The following AOX1 variants were observed in gnomAD, a reference collection of about 807,000 sequenced individuals.
AOX1 encodes aldehyde oxidase.
A neutral mutation model predicts 169.5 loss-of-function variants in AOX1; 153 were observed. The ratio of observed to expected loss-of-function variants is 0.90; its 90% CI spans 0.79 to 1.03. The LOEUF (loss-of-function observed/expected upper bound fraction) is 1.03, where lower values mean the gene tolerates loss of function less well. Among genes scored for constraint, AOX1 ranks in the 50% least tolerant of loss-of-function variants. The probability of loss-of-function intolerance (pLI) is 0.00; values close to 1 mark genes in which losing one functional copy is unlikely to be tolerated. For synonymous variants in AOX1, 562 were observed against 581.9 expected, an observed-to-expected ratio of 0.97 and a Z score of 0.49; for missense variants, 1,656 against 1,663.9, an observed-to-expected ratio of 1.00 and a Z score of 0.08.
chr2:200,630,951 G>A (rs529714846), intron 20 of AOX1, among the ~76,000 whole-genome samples: 5 of 152,084 alleles, frequency 3.3e-5, no homozygotes, highest in East Asian at 1.9e-4. Flanking sequence ...CATGGCACAC[G>A]TTTACCTATG....
At position 200,620,820 on chromosome 2, in the gene AOX1, G is replaced by A. The variant is rs2034870573; in HGVS notation, c.1874+1G>A. On this transcript the variant is annotated splice_donor_variant, in intron 17 of 34. Transcript: ENST00000374700. LOFTEE classifies it high-confidence loss of function. ...GTTCAAGAGCTCATGCTAAGATTGT[G>A]TAAGTGGTAAAATTCTTACTCAATG... The A allele has an allele frequency of 6.3e-7, 1 of 1,590,828 alleles. No homozygotes were observed. The highest frequency in any genetic ancestry group is 8.5e-7 in the Non-Finnish European group (1 of 1,174,254).
At chr2:200,626,177 C>T (rs1423891465) in intron 19 of AOX1, among the ~76,000 whole-genome samples, 4 of 152,180 alleles carry the variant, frequency 2.6e-5, no homozygotes, top group Non-Finnish European at 5.9e-5. Context: ...GATGGGGAAA[C>T]TAAAAGGCAG....
In AOX1 at chr2:200,599,643, C is replaced by A; in HGVS notation, c.333C>A (p.Gly111=). Residue 111 remains glycine (G), a synonymous_variant, in exon 5 of 35, where the codon GGC becomes GGA. Coordinates refer to ENST00000374700, the MANE Select transcript of AOX1 (RefSeq NM_001159.4). ...PVQERIAKCH[G]TQCGFCTPGM... ...AGGAGAGGATTGCCAAGTGTCATGG[C>A]ACCCAGTGTGGCTTCTGCACACCTG... 6.2e-7 allele frequency: 1 copy of A among 1,612,058 alleles called. No homozygotes were observed. The highest frequency in any genetic ancestry group is 8.5e-7 in the Non-Finnish European group (1 of 1,178,878).
intron 3 of AOX1, among the ~76,000 whole-genome samples, chr2:200,595,706 A>G (rs1328100472): frequency 5.9e-5 from 9 of 151,998 alleles, no homozygotes. Flanking sequence ...AAAAAAAAAA[A>G]TCCCCTGTCA....
chr2:200,677,266 A>T (rs1385628841), downstream of AOX1, among the ~76,000 whole-genome samples: 1 of 152,138 alleles, frequency 6.6e-6, no homozygotes, highest in Non-Finnish European at 1.5e-5. Context: ...GTGGAGAAAG[A>T]GACAGACAGA....
chr2:200,674,095 AC>A (rs1447760814), downstream of AOX1, among the ~76,000 whole-genome samples: 1 of 152,234 alleles, frequency 6.6e-6, no homozygotes, highest in African/African-American at 2.4e-5. Flanking sequence ...AGAAGCAGGT[AC>A]CCCAGACACA....
At position 200,657,190 on chromosome 2, in the gene AOX1, ATT is replaced by A. The variant is rs5837752; in HGVS notation, c.3171+267_3171+268del. 2.0e-3 allele frequency among the ~76,000 whole-genome samples: 124 copies of A among 62,880 alleles called. 2 individuals are homozygous for A. Among genetic ancestry groups the A allele is most frequent in the Middle Eastern group, 9.1e-3 (1 of 110 alleles). 41.3% of individuals were successfully genotyped at this position (62,880 alleles called of 152,430 possible). Reference sequence around the variant, plus strand: ...AATATATATATATATATATATATATATTTTTTTTTTTTTTTAATTAGCAGGGC... The same window carrying A: ...AATATATATATATATATATATATATATTTTTTTTTTTTTAATTAGCAGGGC... On this transcript the variant is annotated intron_variant, in intron 27 of 34. Coordinates refer to ENST00000374700, the MANE Select transcript of AOX1 (RefSeq NM_001159.4).
At position 200,671,193 on chromosome 2, in the gene AOX1, A is replaced by G. The variant is rs540377226; in HGVS notation, c.*514A>G. 6.6e-6 allele frequency: 1 copy of G among 152,492 alleles called. No homozygotes were observed. Among genetic ancestry groups the G allele is most frequent in the South Asian group, 2.1e-4 (1 of 4,834 alleles). The allele number at this position is 152,492 out of a possible 1,614,324, so 9.4% of individuals were successfully genotyped here. A position where few individuals can be genotyped will look rare whatever the true frequency, so the allele number is the denominator to read the frequency against. ...ATAGCGAACTTTCACCAAAGTTTTC[A>G]TGAAAACCCAAAAGCTTTAAAAGTT... On this transcript the variant is annotated 3_prime_UTR_variant, in exon 35 of 35. Transcript: ENST00000374700.
intron 6 of AOX1, among the ~76,000 whole-genome samples, chr2:200,602,838 GAACA>G (rs1285646175): frequency 9.2e-5 from 14 of 152,068 alleles, no homozygotes; most frequent in Non-Finnish European, 2.1e-4. Context: ...ATGAATAAAT[GAACA>G]AACAAAGTTG....
chr2:200,663,713 C>A (rs2035875462), intron 31 of AOX1, among the ~76,000 whole-genome samples: 1 of 152,076 alleles, frequency 6.6e-6, no homozygotes. Flanking sequence ...TAAATGATCA[C>A]TGATACATTA....
chr2:200,595,623 C>T (rs1457589524), intron 3 of AOX1, among the ~76,000 whole-genome samples: 1 of 152,020 alleles, frequency 6.6e-6, no homozygotes, highest in East Asian at 1.9e-4. Context: ...TTTCTAGCTA[C>T]TTGGGAGGCT....
At position 200,634,793 on chromosome 2, in the gene AOX1, G is replaced by C; in HGVS notation, c.2224G>C (p.Glu742Gln). 1 of 1,613,872 alleles carries C rather than the reference G, an allele frequency of 6.2e-7. No individual in the cohort carries two copies. The highest frequency in any genetic ancestry group is 8.5e-7 in the Non-Finnish European group (1 of 1,179,890). The change falls in exon 21 of 35, where the codon GAA becomes CAA. Residue 742 changes from glutamate (E) to glutamine (Q), a missense_variant and splice_region_variant. Glu to Gln is a conservative substitution (Grantham distance 29). Coordinates refer to ENST00000374700, the MANE Select transcript of AOX1 (RefSeq NM_001159.4). ...TTTTATGTATTTTCCTGTAACAGGT[G>C]AAATACATATGGGAGGTCAAGAACA... ...FKVVDQILEGEIHMGGQEHFY... is the reference protein window; with the variant it reads ...FKVVDQILEGQIHMGGQEHFY...
At position 200,603,285 on chromosome 2, in the gene AOX1, A is replaced by G. The variant is rs755652086; in HGVS notation, c.517A>G (p.Ser173Gly). Residue 173 changes from serine (S) to glycine (G), a missense_variant, in exon 7 of 35, where the codon AGT (serine) becomes GGT (glycine). By Grantham distance (56) the Ser-to-Gly change is moderately conservative. Transcript: ENST00000374700. ...CCACTAGACTTCGGGCTGCTGTCAA[A>G]GTAAAGAAAATGGGGTTTGCTGTTT... The part of the protein sequence containing the change: ...TFCKTSGCCQ[S>G]KENGVCCLDQ... 4.3e-6 allele frequency: 7 copies of G among 1,613,922 alleles called. No homozygotes were observed. The South Asian group carries it at 5.5e-5, about 13-fold the overall frequency.
At position 200,602,840 on chromosome 2, in the gene AOX1, A is replaced by G. The variant is rs78897923; in HGVS notation, c.499-427A>G. Among the ~76,000 whole-genome samples, 247 of 152,298 alleles carry G rather than the reference A, an allele frequency of 1.6e-3. 3 individuals carry two copies. The highest frequency in any genetic ancestry group is 5.7e-3 in the African/African-American group (235 of 41,576). ...CAATATTTGTTGAATGAATAAATGA[A>G]CAAACAAAGTTGAAATGAAGGATAT... On this transcript the variant is annotated intron_variant, in intron 6 of 34. Coordinates refer to ENST00000374700, the MANE Select transcript of AOX1 (RefSeq NM_001159.4).
intron 31 of AOX1, among the ~76,000 whole-genome samples, chr2:200,664,008 T>C (rs1481732577): frequency 6.6e-6 from 1 of 152,230 alleles, no homozygotes; most frequent in Non-Finnish European, 1.5e-5. Context: ...ACTGGATCTC[T>C]ATAGGGTAAC....
intron 20 of AOX1, among the ~76,000 whole-genome samples, chr2:200,630,430 C>A (rs1395660812): frequency 1.3e-5 from 2 of 151,234 alleles, no homozygotes; most frequent in African/African-American, 4.9e-5. Context: ...GGCTGAGGCA[C>A]CAGAATGGCT....
intron 8 of AOX1, among the ~76,000 whole-genome samples, chr2:200,604,312 G>A (rs2034471976): frequency 6.6e-6 from 1 of 152,210 alleles, no homozygotes; most frequent in Admixed American, 6.5e-5. Flanking sequence ...GTAAGAAGCA[G>A]CAGATAGCTT....
In AOX1 at chr2:200,617,052, A is replaced by G. The variant is rs1426655834; in HGVS notation, c.1704+989A>G. On this transcript the variant is annotated intron_variant, in intron 16 of 34. Coordinates refer to ENST00000374700, the MANE Select transcript of AOX1 (RefSeq NM_001159.4). ...AACCCTTTGGCTTATAAATACCCTA[A>G]TATTTCTTAGACAATGGAATAAACT... 2.0e-5 allele frequency among the ~76,000 whole-genome samples: 3 copies of G among 152,218 alleles called. No individual in the cohort carries two copies. The South Asian group carries it at 6.2e-4, about 32-fold the overall frequency.
chr2:200,658,619 T>C (rs2105766492), intron 27 of AOX1, among the ~76,000 whole-genome samples: 1 of 152,338 alleles, frequency 6.6e-6, no homozygotes, highest in Middle Eastern at 3.4e-3. Context: ...TCTCTAGCGC[T>C]AAAAATAAAG....
Sources: gnomAD v4.1 joint callset for allele counts (sites outside exome capture counted in the v4.1 genomes callset) on GRCh38, gnomAD v4.1.1 for gene constraint, MANE v1.5 for transcripts, NCBI Gene and HGNC (gene_info 2026-07-23, HGNC 2026-07-21) for gene names.